Variants in ZNF385D observed in about 807,000 individuals in gnomAD.
The protein encoded by ZNF385D is zinc finger protein 385D, also known as zinc finger protein 659.
A neutral mutation model predicts 35.8 loss-of-function variants in ZNF385D; 15 were observed. The ratio of observed to expected loss-of-function variants is 0.42; its 90% CI spans 0.28 to 0.64. The LOEUF (loss-of-function observed/expected upper bound fraction) is 0.64. Among genes scored for constraint, ZNF385D ranks in the 30% least tolerant of loss-of-function variants. The pLI is 0.23. For missense variants in ZNF385D, 474 were observed against 494.6 expected (o/e 0.96, Z 0.39); for synonymous variants, 212 against 186.8 (o/e 1.13, Z -1.10).
At chr3:21,692,656 C>A (rs2125349638) in intron 1 of ZNF385D, among the ~76,000 whole-genome samples, 1 of 152,344 alleles carries the variant, frequency 6.6e-6, no homozygotes, top group Admixed American at 6.5e-5. Flanking sequence ...CAGAATGCCA[C>A]AAGCACGCAG....
chr3:21,860,252 G>A (rs780868779), intron 3 of ZNF385D, among the ~76,000 whole-genome samples: 5 of 152,046 alleles, frequency 3.3e-5, no homozygotes, highest in African/African-American at 4.8e-5. Flanking sequence ...CATGATCACT[G>A]TCATAACTAC....
At chr3:22,141,152 C>G (rs896237268) in intron 3 of ZNF385D, among the ~76,000 whole-genome samples, 3 of 152,018 alleles carry the variant, frequency 2.0e-5, no homozygotes, top group African/African-American at 7.2e-5. Context: ...TATACTGTTC[C>G]TAAAATAATA....
At position 22,201,813 on chromosome 3, in the gene ZNF385D, A is replaced by G. The variant is rs192323538; in HGVS notation, c.107-32778T>C. ...TGAATGTGTGTGTATATATATACAT[A>G]TATATATATAAATTTAATACTTTTG... On this transcript the variant is annotated intron_variant, in intron 2 of 5. Coordinates refer to the ZNF385D transcript ENST00000494108. Among the ~76,000 whole-genome samples the G allele has an allele frequency of 1.1e-3, 158 of 149,752 alleles. 1 individual carries two copies. The highest frequency in any genetic ancestry group is 3.7e-3 in the African/African-American group (150 of 40,062).
Position 22,244,183 on chromosome 3 carries a change from C to T in ZNF385D, c.107-75148G>A, listed in dbSNP as rs573548736. Reference sequence around the variant, plus strand: ...CTTCTTAAGGGGATTTAAAAAAAGCCATTATTAAACTTTTTCTCTAGGGTT... The same window carrying T: ...CTTCTTAAGGGGATTTAAAAAAAGCTATTATTAAACTTTTTCTCTAGGGTT... On this transcript the variant is annotated intron_variant, in intron 2 of 5. Transcript: ENST00000494108. Among the ~76,000 whole-genome samples, 3 of 150,028 alleles carry T rather than the reference C, an allele frequency of 2.0e-5. No homozygotes were observed. The South Asian group carries it at 6.6e-4, about 33-fold the overall frequency.
At chr3:21,434,951 C>T (rs1278255092) in intron 5 of ZNF385D, among the ~76,000 whole-genome samples, 1 of 152,124 alleles carries the variant, frequency 6.6e-6, no homozygotes, top group Non-Finnish European at 1.5e-5. Context: ...CATTTCACCT[C>T]CTTAAACTCT....
chr3:22,059,504 G>A (rs925080653), intron 3 of ZNF385D, among the ~76,000 whole-genome samples: 8 of 152,156 alleles, frequency 5.3e-5, no homozygotes, highest in African/African-American at 1.9e-4. Flanking sequence ...AGTGACAGAC[G>A]TATCTTTCTT....
chr3:21,752,718 C>T (rs1163818178), upstream of ZNF385D, among the ~76,000 whole-genome samples: 1 of 152,080 alleles, frequency 6.6e-6, no homozygotes, highest in African/African-American at 2.4e-5. Flanking sequence ...AATTTAAAGC[C>T]ACCAGAGGAA....
intron 3 of ZNF385D, among the ~76,000 whole-genome samples, chr3:22,017,089 C>T (rs961926006): frequency 6.6e-6 from 1 of 151,924 alleles, no homozygotes; most frequent in Non-Finnish European, 1.5e-5. Flanking sequence ...GAGTATTAGA[C>T]ACCAGTGTAT....
At chr3:21,601,013 G>A (rs1210661806) in intron 2 of ZNF385D, among the ~76,000 whole-genome samples, 1 of 151,938 alleles carries the variant, frequency 6.6e-6, no homozygotes, top group South Asian at 2.1e-4. Flanking sequence ...TGTGGTAGAA[G>A]CCTATGGAAC....
intron 3 of ZNF385D, among the ~76,000 whole-genome samples, chr3:22,118,622 A>T (rs1044938515): frequency 1.3e-5 from 2 of 151,942 alleles, no homozygotes; most frequent in Non-Finnish European, 2.9e-5. Flanking sequence ...TATCGGTAAG[A>T]GGTTAGGGAA....
chr3:22,048,484 C>T (rs539661512), intron 3 of ZNF385D, among the ~76,000 whole-genome samples: 1 of 152,178 alleles, frequency 6.6e-6, no homozygotes, highest in South Asian at 2.1e-4. Flanking sequence ...TTTCCCAGCC[C>T]GATTTGTTGA....
chr3:22,281,378 T>C (rs758161600), intron 2 of ZNF385D, among the ~76,000 whole-genome samples: 1 of 152,166 alleles, frequency 6.6e-6, no homozygotes, highest in East Asian at 1.9e-4. Context: ...GGGTTTGTAA[T>C]ACATGGCTTT....
intron 5 of ZNF385D, among the ~76,000 whole-genome samples, chr3:21,426,468 G>A (rs1232156237): frequency 6.6e-6 from 1 of 152,058 alleles, no homozygotes; most frequent in Non-Finnish European, 1.5e-5. Context: ...TGAGATCACT[G>A]TAGTTACATA....
chr3:21,483,900 T>C (rs1396556939), intron 4 of ZNF385D, among the ~76,000 whole-genome samples: 1 of 152,220 alleles, frequency 6.6e-6, no homozygotes, highest in Non-Finnish European at 1.5e-5. Flanking sequence ...TTTTTAATTT[T>C]GATGAAATCC....
chr3:21,728,325 C>T (rs946661008), intron 1 of ZNF385D, among the ~76,000 whole-genome samples: 15 of 149,396 alleles, frequency 1.0e-4, no homozygotes, highest in African/African-American at 1.5e-4. Context: ...AGCAGACGTC[C>T]ACCTAAAATG....
rs149456263 is a variant in ZNF385D, at chr3:22,199,661, T to C, written c.107-30626A>G. Among the ~76,000 whole-genome samples the C allele has an allele frequency of 2.0e-5, 3 of 152,238 alleles. No individual in the cohort carries two copies. The East Asian group carries it at 5.8e-4, about 29-fold the overall frequency. ...AGAAGATTTCTTATCGTTAGCCTCA[T>C]TGTTCAGATGGAAACACTGTAGTAA... On this transcript the variant is annotated intron_variant, in intron 2 of 5. Transcript: ENST00000494108.
chr3:21,489,838 T>A (rs1449702745), intron 4 of ZNF385D, among the ~76,000 whole-genome samples: 3 of 152,118 alleles, frequency 2.0e-5, no homozygotes, highest in Non-Finnish European at 2.9e-5. Flanking sequence ...TGGGTCAGAA[T>A]GTGGCCTAAT....
At chr3:21,954,098 C>G (rs569083226) in intron 3 of ZNF385D, among the ~76,000 whole-genome samples, 2 of 151,940 alleles carry the variant, frequency 1.3e-5, no homozygotes, top group East Asian at 1.9e-4. Flanking sequence ...CCCTCCATCC[C>G]CATTTGGAAG....
At chr3:22,281,925 C>T (rs1701764895) in intron 2 of ZNF385D, among the ~76,000 whole-genome samples, 1 of 151,888 alleles carries the variant, frequency 6.6e-6, no homozygotes, top group Non-Finnish European at 1.5e-5. Context: ...AATCTTGCTG[C>T]TTGTTATTGG....
Sources: allele counts gnomAD v4.1 joint callset (sites outside exome capture counted in the v4.1 genomes callset), GRCh38; gene constraint gnomAD v4.1.1; transcripts MANE v1.5; gene names NCBI Gene and HGNC (gene_info 2026-07-23, HGNC 2026-07-21).